Variants in AARS1 observed in about 807,000 individuals in gnomAD.
AARS1 encodes the protein alanine--tRNA ligase, cytoplasmic.
In AARS1, 72 loss-of-function variants were observed where a neutral mutation model predicts 108.9. The ratio of observed to expected loss-of-function variants is 0.66; its 90% CI spans 0.55 to 0.80. The LOEUF is 0.80. AARS1 is among the 30% of genes least tolerant of loss of function. The pLI, the probability that AARS1 is intolerant of heterozygous loss-of-function variation, is 0.00. For synonymous variants in AARS1, 489 were observed against 465.7 expected (o/e 1.05, Z -0.64); for missense variants, 1,193 against 1,233.2 (o/e 0.97, Z 0.49).
rs1960154706 is a variant in AARS1, at chr16:70,262,428, T to C, written c.1589A>G (p.Asp530Gly). The change falls in exon 12 of 21, where the codon GAC (aspartate) becomes GGC (glycine). Residue 530 changes from aspartate (D) to glycine (G), a missense_variant. Physicochemically the swap from Asp to Gly is moderately conservative, Grantham distance 94. Transcript: ENST00000261772. ...STGQECGVVL[D>G]KTCFYAEQGG... ...TTGCTCAGCATAGAAACAGGTCTTG[T>C]CCAGCACCACTCCACACTCCTGGCC... 1.2e-6 allele frequency: 2 copies of C among 1,614,072 alleles called. No homozygotes were observed. The highest frequency in any genetic ancestry group is 1.3e-5 in the African/African-American group (1 of 74,918).
At chr16:70,284,363 G>A (rs1042862429) in intron 1 of AARS1, among the ~76,000 whole-genome samples, 2 of 150,396 alleles carry the variant, frequency 1.3e-5, no homozygotes, top group Admixed American at 1.3e-4. Flanking sequence ...AGCACTTTGA[G>A]AGGCCGAGGC....
At chr16:70,261,243 T>TTGA in intron 12 of AARS1, 86 bp from the exon 13 acceptor site, 1 of 940,628 alleles carries the variant, frequency 1.1e-6, no homozygotes, top group Non-Finnish European at 1.7e-6. Flanking sequence ...CTCGTGTATA[T>TTGA]AACTTCTCTT....
At position 70,276,479 on chromosome 16, in the gene AARS1, T is replaced by C; in HGVS notation, c.479+7A>G. On this transcript the variant is annotated splice_region_variant and intron_variant, in intron 4 of 20. Transcript: ENST00000261772. ...CCATACTCTCAAGAAGTGATGTGCATTCTTACCCCAAATTTTGCCAGATCT... is the reference window on the plus strand; with the variant it reads ...CCATACTCTCAAGAAGTGATGTGCACTCTTACCCCAAATTTTGCCAGATCT... The C allele has an allele frequency of 6.2e-7, 1 of 1,613,952 alleles. No individual in the cohort carries two copies. Among genetic ancestry groups the C allele is most frequent in the Non-Finnish European group, 8.5e-7 (1 of 1,179,932 alleles).
At chr16:70,272,416 G>T (rs562878081) in intron 4 of AARS1, among the ~76,000 whole-genome samples, 10 of 135,672 alleles carry the variant, frequency 7.4e-5, no homozygotes, top group Non-Finnish European at 1.2e-4. Context: ...TGAGGCAGGA[G>T]AATCACTAGA....
intron 4 of AARS1, among the ~76,000 whole-genome samples, chr16:70,272,175 C>A (rs952119969): frequency 6.6e-6 from 1 of 152,006 alleles, no homozygotes. Context: ...GAAGTTCCAA[C>A]CTTCAGCAAG....
Position 70,267,655 on chromosome 16 carries a change from C to T in AARS1, c.1222+4G>A. 6.2e-7 allele frequency: 1 copy of T among 1,614,156 alleles called. No homozygotes were observed. The highest frequency in any genetic ancestry group is 8.5e-7 in the Non-Finnish European group (1 of 1,180,036). On this transcript the variant is annotated splice_donor_region_variant and intron_variant, in intron 9 of 20. Transcript: ENST00000261772. ...GATGGAGAAGGGCAAAAACTGGTAC[C>T]TACCGGGAATGGTCTTGCTGTCTCC...
chr16:70,269,322 GAAAAAAAAAAAAAAAAAAAA>G (rs56394253), intron 7 of AARS1, among the ~76,000 whole-genome samples: 23 of 64,238 alleles, frequency 3.6e-4, no homozygotes, highest in East Asian at 5.0e-4. Context: ...TTCTGTCTCA[GAAAAAAAAAAAAAAAAAAAA>G]AAAAAAAAAA....
At position 70,253,780 on chromosome 16, in the gene AARS1, C is replaced by T; in HGVS notation, c.2541G>A (p.Gln847=). ...VQKRVLEKTK[Q]FIDSNPNQPL... ...GCTGGTTGGGGTTGCTGTCGATGAA[C>T]TGCTTCGTCTTCTCTAACACCTGCA... is the stretch of plus-strand genomic sequence containing the variant. The change falls in exon 19 of 21, where the codon CAG becomes CAA. Residue 847 remains glutamine, a synonymous_variant. Coordinates refer to ENST00000261772, the MANE Select transcript of AARS1 (RefSeq NM_001605.3). The T allele has an allele frequency of 6.2e-7, 1 of 1,614,198 alleles. No individual in the cohort carries two copies.
rs949147667 is a variant in AARS1 at position 70,272,907 on chromosome 16, C to T, written c.480-935G>A. 1.8e-4 allele frequency among the ~76,000 whole-genome samples: 28 copies of T among 151,638 alleles called. No homozygotes were observed. In the Admixed American group the frequency reaches 1.8e-3, roughly 10 times the overall value. The stretch of plus-strand genomic sequence containing the variant: ...CCTGGGTGACACACACACACACACA[C>T]ACACACACACACACACAAAAGATTG... On this transcript the variant is annotated intron_variant, in intron 4 of 20. Transcript: ENST00000261772.
In AARS1 at chr16:70,267,783, C is replaced by G. The variant is rs1447706759; in HGVS notation, c.1098G>C (p.Lys366Asn). The change falls in exon 9 of 21, where the codon AAG becomes AAC. Residue 366 changes from lysine (K) to asparagine (N), a missense_variant. By Grantham distance (94) the Lys-to-Asn change is moderately conservative. Transcript: ENST00000261772. ...TGATGTCCTTCACCATGTCTGGGTC[C>G]TTCTTCAGCTCAGGAAATGCATCTC... ...SLGDAFPELK[K>N]DPDMVKDIIN... is the part of the protein sequence containing the mutation. 1 of 1,614,198 alleles carries G rather than the reference C, an allele frequency of 6.2e-7. No individual in the cohort carries two copies. Among genetic ancestry groups the G allele is most frequent in the Admixed American group, 1.7e-5 (1 of 60,002 alleles).
At chr16:70,274,139 C>G (rs1017755756) in intron 4 of AARS1, among the ~76,000 whole-genome samples, 24 of 146,692 alleles carry the variant, frequency 1.6e-4, no homozygotes, top group African/African-American at 5.8e-4. Context: ...AGTTCGAGAC[C>G]AGCCTGACCA....
chr16:70,286,349 C>G (rs1452168389), intron 1 of AARS1, among the ~76,000 whole-genome samples: 1 of 151,572 alleles, frequency 6.6e-6, no homozygotes, highest in Non-Finnish European at 1.5e-5. Context: ...GTGGCTCCAG[C>G]CACTCCACAG....
chr16:70,275,736 C>A (rs1026690118), intron 4 of AARS1, among the ~76,000 whole-genome samples: 6 of 151,456 alleles, frequency 4.0e-5, no homozygotes, highest in Non-Finnish European at 8.8e-5. Flanking sequence ...GCACTCCAGC[C>A]TGGGTGACAG....
chr16:70,270,342 T>C lies in AARS1; in HGVS notation c.672-2A>G. Reference sequence around the variant, plus strand: ...GGTTTCAGAATGCCATCAGCTTCCCTGTATGATCCAGAAGAAGAGGAGGTT... The same window carrying C: ...GGTTTCAGAATGCCATCAGCTTCCCCGTATGATCCAGAAGAAGAGGAGGTT... On this transcript the variant is annotated splice_acceptor_variant, in intron 5 of 20. Coordinates refer to ENST00000261772, the MANE Select transcript of AARS1 (RefSeq NM_001605.3). LOFTEE classifies it high-confidence loss of function. 1 of 1,614,162 alleles carries C rather than the reference T, an allele frequency of 6.2e-7. No homozygotes were observed. The highest frequency in any genetic ancestry group is 8.5e-7 in the Non-Finnish European group (1 of 1,180,026).
chr16:70,279,673 A>AAC (rs1960646606), intron 2 of AARS1, among the ~76,000 whole-genome samples: 2 of 133,762 alleles, frequency 1.5e-5, no homozygotes, highest in African/African-American at 5.3e-5. Context: ...AAAAAAACAA[A>AAC]AAAAAAAAAA....
chr16:70,288,565 CT>C (rs35168298), intron 1 of AARS1, among the ~76,000 whole-genome samples: 56,001 of 102,816 alleles, frequency 0.54, 13,981 homozygotes, highest in East Asian at 0.83. Context: ...GTTCTGGGCT[CT>C]TTTTTTTTTT....
At chr16:70,262,289 G>T in intron 12 of AARS1, 57 bp downstream of exon 12, 1 of 1,607,010 alleles carries the variant, frequency 6.2e-7, no homozygotes, top group Admixed American at 1.7e-5. Flanking sequence ...GGCAAAAGCA[G>T]CTCCCCGGCT....
At position 70,267,834 on chromosome 16, in the gene AARS1, G is replaced by C. The variant is rs759638853; in HGVS notation, c.1072-25C>G. The C allele has an allele frequency of 2.5e-6, 4 of 1,614,106 alleles. No homozygotes were observed. The Admixed American group carries it at 5.0e-5, about 20-fold the overall frequency. ...CCTGACAAAGGGGAAGCAAGATGAG[G>C]GGCTGGATGAAGCCAGAGACTGTTC... On this transcript the variant is annotated intron_variant, in intron 8 of 20. Coordinates refer to ENST00000261772, the MANE Select transcript of AARS1 (RefSeq NM_001605.3).
At chr16:70,286,716 G>C (rs1384798686) in intron 1 of AARS1, among the ~76,000 whole-genome samples, 1 of 151,620 alleles carries the variant, frequency 6.6e-6, no homozygotes, top group African/African-American at 2.4e-5. Flanking sequence ...GTGGTGGCAC[G>C]CACCTATAAT....
Sources: gnomAD v4.1 joint callset for allele counts (sites outside exome capture counted in the v4.1 genomes callset) on GRCh38, gnomAD v4.1.1 for gene constraint, MANE v1.5 for transcripts, NCBI Gene and HGNC (gene_info 2026-07-23, HGNC 2026-07-21) for gene names.